Variants in ETNK1 observed in about 807,000 individuals in gnomAD.
The protein encoded by ETNK1 is ethanolamine kinase 1.
Under a neutral mutation model 45.1 loss-of-function variants are expected in ETNK1, and 8 were observed. The ratio of observed to expected loss-of-function variants is 0.18; its 90% CI spans 0.10 to 0.32. The LOEUF is 0.32. ETNK1 is among the 10% of genes least tolerant of loss of function. The pLI, the probability that ETNK1 is intolerant of heterozygous loss-of-function variation, is 1.00. For synonymous variants in ETNK1, 152 were observed against 151.9 expected (o/e 1.00, Z -0.01); for missense variants, 302 against 430.6 (o/e 0.70, Z 2.64).
chr12:22,652,542 C>A (rs1448088435), intron 2 of ETNK1, among the ~76,000 whole-genome samples: 2 of 152,182 alleles, frequency 1.3e-5, no homozygotes, highest in African/African-American at 4.8e-5. Context: ...AGTAACCATT[C>A]TAATGGATAT....
intron 6 of ETNK1, among the ~76,000 whole-genome samples, chr12:22,680,608 C>T (rs1954204867): frequency 6.6e-6 from 1 of 152,232 alleles, no homozygotes; most frequent in African/African-American, 2.4e-5. Flanking sequence ...TCTCTTATTC[C>T]TTATGGATGT....
chr12:22,683,938 G>C (rs1954236537), intron 6 of ETNK1, among the ~76,000 whole-genome samples: 1 of 152,064 alleles, frequency 6.6e-6, no homozygotes, highest in African/African-American at 2.4e-5. Flanking sequence ...TTCCCTGTAA[G>C]TCCAAAACCC....
At chr12:22,651,499 A>T (rs1187728540) in intron 2 of ETNK1, among the ~76,000 whole-genome samples, 1 of 152,010 alleles carries the variant, frequency 6.6e-6, no homozygotes, top group Non-Finnish European at 1.5e-5. Context: ...ATTAAAAGGG[A>T]GTCCTTACCG....
intron 1 of ETNK1, among the ~76,000 whole-genome samples, chr12:22,633,508 T>C (rs1953611047): frequency 6.6e-6 from 1 of 152,246 alleles, no homozygotes; most frequent in African/African-American, 2.4e-5. Context: ...TTGTTCGTTT[T>C]TAAGATTGCC....
At chr12:22,655,132 A>C (rs1020775927) in intron 2 of ETNK1, among the ~76,000 whole-genome samples, 2 of 151,748 alleles carry the variant, frequency 1.3e-5, no homozygotes, top group Non-Finnish European at 2.9e-5. Context: ...ACATCCGGCT[A>C]ATTTTTTCTA....
chr12:22,659,632 C>T (rs1953978820), intron 3 of ETNK1, among the ~76,000 whole-genome samples: 1 of 152,102 alleles, frequency 6.6e-6, no homozygotes, highest in Admixed American at 6.6e-5. Flanking sequence ...ATGGAAATTA[C>T]AGTAGTAGTA....
At chr12:22,671,970 A>G (rs758806908) in intron 5 of ETNK1, among the ~76,000 whole-genome samples, 5 of 152,016 alleles carry the variant, frequency 3.3e-5, no homozygotes, top group Admixed American at 6.6e-5. Context: ...CAGCCCTACA[A>G]GGTAATACTC....
In ETNK1 at chr12:22,625,359, C is replaced by G; in HGVS notation, c.-72C>G. The G allele has an allele frequency of 6.4e-7, 1 of 1,551,164 alleles. No individual in the cohort carries two copies. Among genetic ancestry groups the G allele is most frequent in the South Asian group, 1.2e-5 (1 of 85,372 alleles). ...CCCCGGGACGGAAGGATCCACCAGT[C>G]TGTCGGCGCCCGCCGTTCTCGTGGT... On this transcript the variant is annotated 5_prime_UTR_variant, in exon 1 of 8. Transcript: ENST00000266517.
At position 22,661,154 on chromosome 12, in the gene ETNK1, C is replaced by A; in HGVS notation, c.649C>A (p.Leu217Ile). ...TTCCAACCTGGGCTCACCTGTTGTG[C>A]TTTGCCATAATGACCTATTGTGTAA... is the stretch of plus-strand genomic sequence containing the variant. The part of the protein sequence containing the change: ...ILSNLGSPVV[L>I]CHNDLLCKNI... The change falls in exon 4 of 8, where the codon CTT (leucine) becomes ATT (isoleucine). Residue 217 changes from leucine (L) to isoleucine (I), a missense_variant. Coordinates refer to ENST00000266517, the MANE Select transcript of ETNK1 (RefSeq NM_018638.5). The A allele has an allele frequency of 6.2e-7, 1 of 1,612,430 alleles. No homozygotes were observed. Among genetic ancestry groups the A allele is most frequent in the Non-Finnish European group, 8.5e-7 (1 of 1,179,446 alleles).
At chr12:22,653,126 C>T (rs1158719017) in intron 2 of ETNK1, among the ~76,000 whole-genome samples, 2 of 151,880 alleles carry the variant, frequency 1.3e-5, no homozygotes, top group East Asian at 1.9e-4. Flanking sequence ...TTGTCCTTTC[C>T]TCATTTAAGG....
At chr12:22,681,811 A>ATC (rs1370764335) in intron 6 of ETNK1, among the ~76,000 whole-genome samples, 1 of 152,098 alleles carries the variant, frequency 6.6e-6, no homozygotes, top group Non-Finnish European at 1.5e-5. Flanking sequence ...TCTGCATTAC[A>ATC]TCTTTTGTGA....
rs1054226960 is a variant in ETNK1 at position 22,690,229 on chromosome 12, A to C, written c.*5275A>C. ...CTGAAAATGTATTGATACCTCTTAA[A>C]TGAATGCAACTTTTGATGTAGGTGT... is the stretch of plus-strand genomic sequence containing the variant. On this transcript the variant is annotated 3_prime_UTR_variant, in exon 8 of 8. Transcript: ENST00000266517. The C allele has an allele frequency of 1.3e-5, 2 of 152,488 alleles. No individual in the cohort carries two copies. Among genetic ancestry groups the C allele is most frequent in the African/African-American group, 4.8e-5 (2 of 41,444 alleles). The allele number at this position is 152,488 out of a possible 1,614,324, so 9.4% of individuals were successfully genotyped here.
chr12:22,651,648 T>A lies in ETNK1; in HGVS notation c.417-7366T>A, dbSNP rs1024934194. On this transcript the variant is annotated intron_variant, in intron 2 of 7. Transcript: ENST00000266517. ...TTGTGCAACTAATTTCCTAACATAT[T>A]TTTTTTTTATAATGTAAAACTACAA... Among the ~76,000 whole-genome samples, 6 of 150,708 alleles carry A rather than the reference T, an allele frequency of 4.0e-5. No homozygotes were observed. In the East Asian group the frequency reaches 5.9e-4, roughly 15 times the overall value.
At chr12:22,665,849 T>C (rs1954048367) in intron 4 of ETNK1, among the ~76,000 whole-genome samples, 1 of 152,126 alleles carries the variant, frequency 6.6e-6, no homozygotes, top group Non-Finnish European at 1.5e-5. Flanking sequence ...TAGGTAGTTA[T>C]AGGACTTAAT....
At chr12:22,652,024 C>T (rs1471704322) in intron 2 of ETNK1, among the ~76,000 whole-genome samples, 2 of 152,080 alleles carry the variant, frequency 1.3e-5, no homozygotes, top group Non-Finnish European at 2.9e-5. Context: ...TCTTTCCTTC[C>T]TCCAGCCCCT....
intron 4 of ETNK1, among the ~76,000 whole-genome samples, chr12:22,664,339 TATGAC>T (rs1378718834): frequency 5.9e-5 from 9 of 152,144 alleles, no homozygotes; most frequent in African/African-American, 1.9e-4. Flanking sequence ...AATTAACAGA[TATGAC>T]ATGACGATTC....
intron 6 of ETNK1, among the ~76,000 whole-genome samples, chr12:22,682,703 T>C (rs1465530529): frequency 6.6e-6 from 1 of 152,090 alleles, no homozygotes; most frequent in East Asian, 1.9e-4. Flanking sequence ...AATAAGACTA[T>C]TACACTAGTG....
intron 3 of ETNK1, among the ~76,000 whole-genome samples, chr12:22,659,397 G>C (rs1953976793): frequency 6.6e-6 from 1 of 152,110 alleles, no homozygotes; most frequent in African/African-American, 2.4e-5. Context: ...TGGAAGTAGG[G>C]GAACACCACT....
chr12:22,680,341 A>G (rs1037536718), intron 6 of ETNK1, among the ~76,000 whole-genome samples: 21 of 152,156 alleles, frequency 1.4e-4, no homozygotes, highest in African/African-American at 5.1e-4. Context: ...TATATTAAAA[A>G]AGTGATCCTT....
Sources: gnomAD v4.1 joint callset for allele counts (sites outside exome capture counted in the v4.1 genomes callset) on GRCh38, gnomAD v4.1.1 for gene constraint, MANE v1.5 for transcripts, NCBI Gene and HGNC (gene_info 2026-07-23, HGNC 2026-07-21) for gene names.